Variants in ATXN10 observed in about 807,000 individuals in gnomAD.
ATXN10 encodes ataxin 10.
Under a neutral mutation model 52.9 loss-of-function variants are expected in ATXN10, and 28 were observed. The observed-to-expected ratio is 0.53, with a 90% CI of 0.39 to 0.73. ATXN10 has a LOEUF of 0.73. Among genes scored for constraint, ATXN10 ranks in the 30% least tolerant of loss-of-function variants. The probability of loss-of-function intolerance (pLI) is 0.00; values close to 1 mark genes in which losing one functional copy is unlikely to be tolerated. For synonymous variants in ATXN10, 226 were observed against 221.5 expected, an observed-to-expected ratio of 1.02 and a Z score of -0.18; for missense variants, 565 against 577.0, an observed-to-expected ratio of 0.98 and a Z score of 0.21.
intron 9 of ATXN10, among the ~76,000 whole-genome samples, chr22:45,758,255 G>GC (rs1926248233): frequency 6.6e-6 from 1 of 152,228 alleles, no homozygotes; most frequent in Admixed American, 6.5e-5. Context: ...AGTTAGCTGA[G>GC]CCAGCGTGTG....
intron 9 of ATXN10, among the ~76,000 whole-genome samples, chr22:45,798,708 G>A (rs2351440): frequency 0.11 from 17,045 of 152,194 alleles, 1,047 homozygotes; most frequent in Middle Eastern, 0.17. Flanking sequence ...ATGCATGCAG[G>A]TTGGAAAGAA....
In ATXN10 at chr22:45,677,639, C is replaced by T. The variant is rs967990177; in HGVS notation, c.116+5460C>T. 1 of 151,936 alleles carries T rather than the reference C, an allele frequency of 6.6e-6. No individual in the cohort carries two copies. The highest frequency in any genetic ancestry group is 1.5e-5 in the Non-Finnish European group (1 of 67,998). The allele number at this position is 151,936 out of a possible 1,614,324, so 9.4% of individuals were successfully genotyped here. A position where few individuals can be genotyped will look rare whatever the true frequency, so the allele number is the denominator to read the frequency against. On this transcript the variant is annotated intron_variant, in intron 1 of 11. Coordinates refer to ENST00000252934, the MANE Select transcript of ATXN10 (RefSeq NM_013236.4). This position sits in a 1 kb window ranked among gnomAD's most constrained non-coding sequence, Gnocchi z 4.1. ...TACAACTCAATAAAAAAGACTCCTACAACTCAATTTAAAAATTGGGCAAAA... is the reference window on the plus strand; with the variant it reads ...TACAACTCAATAAAAAAGACTCCTATAACTCAATTTAAAAATTGGGCAAAA...
At chr22:45,723,939 G>A (rs1181456910) in intron 6 of ATXN10, among the ~76,000 whole-genome samples, 3 of 150,264 alleles carry the variant, frequency 2.0e-5, no homozygotes, top group Non-Finnish European at 2.9e-5. Flanking sequence ...GTGATAGAGT[G>A]AGACCCTGTC....
rs778974602 is a variant in ATXN10, at chr22:45,843,166, C to T, written c.1413C>T (p.Asp471=). 7 of 1,613,850 alleles carry T rather than the reference C, an allele frequency of 4.3e-6. No homozygotes were observed. The highest frequency in any genetic ancestry group is 4.0e-5 in the African/African-American group (3 of 74,924). Residue 471 remains aspartate, a synonymous_variant, in exon 11 of 12, where the codon GAC becomes GAT. Transcript: ENST00000252934. This position sits in a 1 kb window ranked among gnomAD's most constrained non-coding sequence, Gnocchi z 4.5. ...GEKLILKSTR[D]TPKP ...AGCTGATCCTGAAATCTACTAGAGA[C>T]ACCCCTAAGCCAGTAAGTACCCTCG...
chr22:45,746,954 A>G (rs138178), intron 9 of ATXN10, among the ~76,000 whole-genome samples: 10,827 of 152,216 alleles, frequency 0.071, 1,288 homozygotes, highest in African/African-American at 0.25. Context: ...CAGAACTGTG[A>G]CATATGAAAC....
Position 45,833,786 on chromosome 22 carries a change from C to G in ATXN10, c.1238-9205C>G, listed in dbSNP as rs547931304. ...GCTCAGAAACGTGCAGTCATAGCAA[C>G]CCGGAAGAAGAACTGCTCTGCCCTC... On this transcript the variant is annotated intron_variant, in intron 10 of 11. Coordinates refer to ENST00000252934, the MANE Select transcript of ATXN10 (RefSeq NM_013236.4). The surrounding 1 kb of genome is among the most constrained non-coding windows in gnomAD (Gnocchi z 4.3). Among the ~76,000 whole-genome samples, 15 of 152,218 alleles carry G rather than the reference C, an allele frequency of 9.9e-5. No individual in the cohort carries two copies. The highest frequency in any genetic ancestry group is 3.6e-4 in the African/African-American group (15 of 41,520).
At position 45,843,784 on chromosome 22, in the gene ATXN10, A is replaced by G. The variant is rs976760905; in HGVS notation, c.*113A>G. On this transcript the variant is annotated 3_prime_UTR_variant, in exon 12 of 12. Transcript: ENST00000252934. This position sits in a 1 kb window ranked among gnomAD's most constrained non-coding sequence, Gnocchi z 4.5. ...GATTTATAAGTACAAATTTGGGAAC[A>G]TACAAATCTTTTAGGTAGTAGAGTT... is the stretch of plus-strand genomic sequence containing the variant. 4.7e-6 allele frequency: 5 copies of G among 1,065,914 alleles called. No individual in the cohort carries two copies. The African/African-American group carries it at 4.7e-5, about 10-fold the overall frequency. The allele number at this position is 1,065,914 out of a possible 1,614,324, so 66.0% of individuals were successfully genotyped here. A position where few individuals can be genotyped will look rare whatever the true frequency, so the allele number is the denominator to read the frequency against.
chr22:45,695,152 G>A (rs1285411566), intron 3 of ATXN10, among the ~76,000 whole-genome samples: 7 of 151,104 alleles, frequency 4.6e-5, no homozygotes, highest in Admixed American at 2.0e-4. Flanking sequence ...GTGAAACCCC[G>A]TCTCTAGTAA....
At chr22:45,829,722 T>C in intron 10 of ATXN10, among the ~76,000 whole-genome samples, 1 of 152,070 alleles carries the variant, frequency 6.6e-6, no homozygotes, top group East Asian at 1.9e-4. Flanking sequence ...CTGAAAGAAA[T>C]TAAAGGAGAC....
rs927479302 is a variant in ATXN10, at chr22:45,816,963, C to G, written c.1237+9941C>G. 2.0e-5 allele frequency among the ~76,000 whole-genome samples: 3 copies of G among 152,154 alleles called. No homozygotes were observed. Among genetic ancestry groups the G allele is most frequent in the African/African-American group, 7.2e-5 (3 of 41,440 alleles). On this transcript the variant is annotated intron_variant, in intron 10 of 11. Transcript: ENST00000252934. The surrounding 1 kb of genome is among the most constrained non-coding windows in gnomAD (Gnocchi z 5.8). ...GGAAGGAGGCTCCTCAGGGAAGTGTCTTAAACACCTCGAGATGGCGCAGCT... is the reference window on the plus strand; with the variant it reads ...GGAAGGAGGCTCCTCAGGGAAGTGTGTTAAACACCTCGAGATGGCGCAGCT...
chr22:45,708,972 G>T lies in ATXN10; in HGVS notation c.647+6125G>T, dbSNP rs1261971424. 6.6e-6 allele frequency among the ~76,000 whole-genome samples: 1 copy of T among 152,044 alleles called. No homozygotes were observed. Among genetic ancestry groups the T allele is most frequent in the East Asian group, 1.9e-4 (1 of 5,176 alleles). On this transcript the variant is annotated intron_variant, in intron 5 of 11. Transcript: ENST00000252934. This position sits in a 1 kb window ranked among gnomAD's most constrained non-coding sequence, Gnocchi z 5.3. ...ATTAATCCATTGAACTTTTTACCCA[G>T]TTTCACTACAAAAATGAAGTTATAA...
chr22:45,797,661 A>G (rs946632538), intron 9 of ATXN10, among the ~76,000 whole-genome samples: 1 of 152,216 alleles, frequency 6.6e-6, no homozygotes, highest in Non-Finnish European at 1.5e-5. Flanking sequence ...GATTAAACCA[A>G]TGTAAGTAGA....
At position 45,826,594 on chromosome 22, in the gene ATXN10, T is replaced by C. The variant is rs985964566; in HGVS notation, c.1238-16397T>C. ...ATCCATAGGATTACCAGCAGTTTTC[T>C]TATTAGAAACTTTGGAGGCCAGAAG... On this transcript the variant is annotated intron_variant, in intron 10 of 11. Coordinates refer to ENST00000252934, the MANE Select transcript of ATXN10 (RefSeq NM_013236.4). The surrounding 1 kb of genome is among the most constrained non-coding windows in gnomAD (Gnocchi z 5.0). 8.5e-5 allele frequency among the ~76,000 whole-genome samples: 13 copies of C among 152,242 alleles called. No homozygotes were observed. Among genetic ancestry groups the C allele is most frequent in the Non-Finnish European group, 7.3e-5 (5 of 68,038 alleles).
rs576928081 is a variant in ATXN10 at position 45,750,217 on chromosome 22, C to G, written c.1173+9679C>G. On this transcript the variant is annotated intron_variant, in intron 9 of 11. Transcript: ENST00000252934. This position sits in a 1 kb window ranked among gnomAD's most constrained non-coding sequence, Gnocchi z 4.2. The stretch of plus-strand genomic sequence containing the variant: ...TCAAGTGATCCTCCCGCCTCAGCCA[C>G]CCAAGTAGCTGGTACTAGAGGTATG... 6.6e-6 allele frequency among the ~76,000 whole-genome samples: 1 copy of G among 152,226 alleles called. No homozygotes were observed. The highest frequency in any genetic ancestry group is 2.4e-5 in the African/African-American group (1 of 41,522).
chr22:45,740,778 A>C, intron 9 of ATXN10: 1 of 226,174 alleles, frequency 4.4e-6, no homozygotes, highest in Non-Finnish European at 8.6e-6. Flanking sequence ...GTATATGTTA[A>C]TATATAGGCT....
At chr22:45,751,004 C>T (rs1430632231) in intron 9 of ATXN10, among the ~76,000 whole-genome samples, 1 of 151,918 alleles carries the variant, frequency 6.6e-6, no homozygotes, top group Non-Finnish European at 1.5e-5. Context: ...GATCTCAGCT[C>T]ACTGCAACCT....
intron 9 of ATXN10, among the ~76,000 whole-genome samples, chr22:45,791,329 T>C (rs1034424871): frequency 2.0e-5 from 3 of 152,228 alleles, no homozygotes; most frequent in Admixed American, 6.5e-5. Context: ...TAGTATTTTA[T>C]TGAATTTATT....
intron 8 of ATXN10, among the ~76,000 whole-genome samples, chr22:45,739,490 A>G (rs1381309348): frequency 6.6e-6 from 1 of 152,236 alleles, no homozygotes; most frequent in Non-Finnish European, 1.5e-5. Context: ...AGCAGTATAG[A>G]TGAGCTAGCA....
intron 1 of ATXN10, chr22:45,676,902 C>T (rs1423430667): frequency 6.6e-6 from 1 of 152,334 alleles, no homozygotes; most frequent in Non-Finnish European, 1.5e-5. Flanking sequence ...GCCTCCTTCC[C>T]CAGTAGCTGG....
Sources: allele counts gnomAD v4.1 joint callset (sites outside exome capture counted in the v4.1 genomes callset), GRCh38; gene constraint gnomAD v4.1.1; non-coding constraint Gnocchi (gnomAD v3.1); transcripts MANE v1.5; gene names NCBI Gene and HGNC (gene_info 2026-07-23, HGNC 2026-07-21).